MERTK: variants seen among roughly 807,000 people sequenced by gnomAD.
The protein encoded by MERTK is tyrosine-protein kinase Mer.
Under a neutral mutation model 99.3 loss-of-function variants are expected in MERTK, and 69 were observed. The observed-to-expected ratio is 0.70, with a 90% CI of 0.57 to 0.85. MERTK has a LOEUF of 0.85. Among genes scored for constraint, MERTK ranks in the 40% least tolerant of loss-of-function variants. MERTK has a pLI of 0.00. For missense variants in MERTK, 1,125 were observed against 1,249.4 expected (o/e 0.90, Z 1.50); for synonymous variants, 426 against 467.6 (o/e 0.91, Z 1.15).
Position 111,965,276 on chromosome 2 carries a change from A to G in MERTK, c.843A>G (p.Lys281=). 2 of 1,614,084 alleles carry G rather than the reference A, an allele frequency of 1.2e-6. No individual in the cohort carries two copies. Among genetic ancestry groups the G allele is most frequent in the Non-Finnish European group, 1.7e-6 (2 of 1,179,954 alleles). ...CCAAGGGAGTGCAGATCAACATCAA[A>G]GGTAAGCAGCAAGGCTAGGCTCCCC... ...TVSKGVQINI[K]AIPSPPTEVS... is the part of the protein sequence containing the mutation. The change falls in exon 5 of 19, where the codon AAA becomes AAG. Residue 281 remains lysine, a splice_region_variant and synonymous_variant. Transcript: ENST00000295408.
At chr2:112,010,350 A>G in intron 15 of MERTK, 1 of 387,580 alleles carries the variant, frequency 2.6e-6, no homozygotes, top group Non-Finnish European at 5.0e-6. Context: ...CTGGTTCTGC[A>G]CTTCACAACC....
At chr2:111,906,105 A>G (rs1299674379) in intron 1 of MERTK, among the ~76,000 whole-genome samples, 1 of 152,156 alleles carries the variant, frequency 6.6e-6, no homozygotes, top group East Asian at 1.9e-4. Flanking sequence ...TGGTCCCTTG[A>G]AAACAAGATC....
chr2:112,024,497 A>G (rs988033865), intron 18 of MERTK, among the ~76,000 whole-genome samples: 2 of 152,200 alleles, frequency 1.3e-5, no homozygotes, highest in Non-Finnish European at 2.9e-5. Context: ...TGGGTGTGCC[A>G]AGGGGGCTAT....
chr2:112,000,479 G>A (rs945415128), intron 10 of MERTK, among the ~76,000 whole-genome samples: 11 of 152,180 alleles, frequency 7.2e-5, no homozygotes, highest in Admixed American at 5.9e-4. Context: ...CCAGTTTTCA[G>A]AAGTGTTAGT....
chr2:111,969,433 C>T (rs1005424438), intron 6 of MERTK, among the ~76,000 whole-genome samples: 8 of 152,136 alleles, frequency 5.3e-5, no homozygotes, highest in Admixed American at 5.2e-4. Flanking sequence ...CTTAATCATA[C>T]AGTAGGGTCA....
chr2:111,975,421 A>G lies in MERTK; in HGVS notation c.1093A>G (p.Ile365Val), dbSNP rs781756280. Residue 365 changes from isoleucine to valine, a missense_variant, in exon 7 of 19, where the codon ATA becomes GTA. Coordinates refer to ENST00000295408, the MANE Select transcript of MERTK (RefSeq NM_006343.3). The stretch of plus-strand genomic sequence containing the variant: ...CATTGGTGTTTCCTGCATGAATGAA[A>G]TAGGCTGGTCTGCAGTGAGCCCTTG... ...YSIGVSCMNE[I>V]GWSAVSPWIL... 1.2e-6 allele frequency: 2 copies of G among 1,614,190 alleles called. No individual in the cohort carries two copies. Among genetic ancestry groups the G allele is most frequent in the Non-Finnish European group, 1.7e-6 (2 of 1,180,030 alleles).
At position 111,990,237 on chromosome 2, in the gene MERTK, T is replaced by G. The variant is rs866049962; in HGVS notation, c.1297-4014T>G. The stretch of plus-strand genomic sequence containing the variant: ...CCATTTTAAAAAAACATGAATCATT[T>G]TAAAACTATATTTAAGTTTACCATT... On this transcript the variant is annotated intron_variant, in intron 8 of 18. Transcript: ENST00000295408. Among the ~76,000 whole-genome samples the G allele has an allele frequency of 7.2e-5, 11 of 152,202 alleles. 1 individual carries two copies. Among genetic ancestry groups the G allele is most frequent in the Middle Eastern group, 6.3e-3 (2 of 316 alleles).
At chr2:111,899,860 G>A (rs1684012066) in intron 1 of MERTK, among the ~76,000 whole-genome samples, 1 of 152,028 alleles carries the variant, frequency 6.6e-6, no homozygotes, top group Admixed American at 6.6e-5. Context: ...ATACGTGGAG[G>A]CAAGGAAGGC....
At chr2:111,928,005 A>G (rs984132577) in intron 1 of MERTK, among the ~76,000 whole-genome samples, 1 of 152,224 alleles carries the variant, frequency 6.6e-6, no homozygotes, top group African/African-American at 2.4e-5. Flanking sequence ...CCACTCAGAA[A>G]GCTAAAAGTA....
intron 10 of MERTK, among the ~76,000 whole-genome samples, chr2:111,998,449 A>G (rs983480226): frequency 2.6e-5 from 4 of 152,254 alleles, no homozygotes; most frequent in Non-Finnish European, 4.4e-5. Context: ...GTAGCCTGGA[A>G]TACAGTGGTG....
intron 2 of MERTK, among the ~76,000 whole-genome samples, chr2:111,942,726 G>A (rs1684887454): frequency 1.3e-5 from 2 of 152,144 alleles, no homozygotes; most frequent in African/African-American, 4.8e-5. Context: ...GAAAGGGGAA[G>A]ACAGAGCATT....
chr2:111,991,166 A>G (rs1331910754), intron 8 of MERTK, among the ~76,000 whole-genome samples: 4 of 152,152 alleles, frequency 2.6e-5, no homozygotes, highest in Non-Finnish European at 5.9e-5. Flanking sequence ...CTCGCTCCCA[A>G]ATTAAACACA....
Position 112,019,425 on chromosome 2 carries a change from C to T in MERTK, c.2092C>T (p.Gln698Ter). The change falls in exon 16 of 19, where the codon CAG becomes TAG. Residue 698 changes from glutamine to a stop codon, truncating the protein, a stop_gained. Transcript: ENST00000295408. LOFTEE classifies it high-confidence loss of function. ...LETGPKHIPL[Q>*]TLLKFMVDIA... Reference sequence around the variant, plus strand: ...CTCTATCATCTAGCATATTCCTCTGCAGACACTATTGAAGTTCATGGTGGA... The same window carrying T: ...CTCTATCATCTAGCATATTCCTCTGTAGACACTATTGAAGTTCATGGTGGA... 2 of 1,611,284 alleles carry T rather than the reference C, an allele frequency of 1.2e-6. No individual in the cohort carries two copies. The highest frequency in any genetic ancestry group is 1.7e-6 in the Non-Finnish European group (2 of 1,177,486).
Position 112,022,579 on chromosome 2 carries a change from G to T in MERTK, c.2486+185G>T, listed in dbSNP as rs773735242. On this transcript the variant is annotated intron_variant, in intron 18 of 18. Transcript: ENST00000295408. ...CCATTCCTGATGTGGGAGATAGTGT[G>T]TGGTATCTCCAGTGAGCCCACTGAG... The T allele has an allele frequency of 4.9e-5, 45 of 918,074 alleles. No homozygotes were observed. The South Asian group carries it at 5.7e-4, about 12-fold the overall frequency. The allele number at this position is 918,074 out of a possible 1,614,324, so 56.9% of individuals were successfully genotyped here.
rs1684759345 is a variant in MERTK at position 111,936,008 on chromosome 2, C to G, written c.482+6468C>G. On this transcript the variant is annotated intron_variant, in intron 2 of 18. Coordinates refer to ENST00000295408, the MANE Select transcript of MERTK (RefSeq NM_006343.3). The stretch of plus-strand genomic sequence containing the variant: ...CTCAGCTCATTGGAACCTCCACCTC[C>G]CGGGTTTAAGCAATTCTCCTGACTT... Among the ~76,000 whole-genome samples the G allele has an allele frequency of 3.3e-5, 5 of 152,178 alleles. No individual in the cohort carries two copies. In the South Asian group the frequency reaches 8.3e-4, roughly 25 times the overall value.
chr2:111,990,900 A>G (rs1322900030), intron 8 of MERTK, among the ~76,000 whole-genome samples: 3 of 152,142 alleles, frequency 2.0e-5, no homozygotes. Flanking sequence ...CTATTCTTCT[A>G]TTCATTTAAT....
At position 111,968,157 on chromosome 2, in the gene MERTK, G is replaced by A. The variant is rs766215580; in HGVS notation, c.865G>A (p.Glu289Lys). Residue 289 changes from glutamate to lysine, a missense_variant, in exon 6 of 19, where the codon GAA becomes AAA. By Grantham distance (56) the Glu-to-Lys change is moderately conservative. Coordinates refer to ENST00000295408, the MANE Select transcript of MERTK (RefSeq NM_006343.3). ...TGCAGCAATTCCCTCCCCACCAACT[G>A]AAGTCAGCATCCGTAACAGCACTGC... ...NIKAIPSPPT[E>K]VSIRNSTAHS... The A allele has an allele frequency of 9.3e-6, 15 of 1,613,666 alleles. No individual in the cohort carries two copies. The highest frequency in any genetic ancestry group is 1.0e-5 in the Non-Finnish European group (12 of 1,179,840).
chr2:111,916,086 A>C (rs1464003948), intron 1 of MERTK, among the ~76,000 whole-genome samples: 1 of 152,106 alleles, frequency 6.6e-6, no homozygotes, highest in Non-Finnish European at 1.5e-5. Flanking sequence ...TGTTGGGAAG[A>C]GTGTTCTATA....
chr2:111,987,989 C>CTT (rs3077010), intron 8 of MERTK, among the ~76,000 whole-genome samples: 5 of 133,258 alleles, frequency 3.8e-5, no homozygotes, highest in Non-Finnish European at 3.2e-5. Flanking sequence ...ATAGAACTAA[C>CTT]TTTTTTTTTT....
Sources: gnomAD v4.1 joint callset for allele counts (sites outside exome capture counted in the v4.1 genomes callset) on GRCh38, gnomAD v4.1.1 for gene constraint, MANE v1.5 for transcripts, NCBI Gene and HGNC (gene_info 2026-07-23, HGNC 2026-07-21) for gene names.